ZFC3H1: variants seen among roughly 807,000 people sequenced by gnomAD.
The protein encoded by ZFC3H1 is zinc finger C3H1-type containing, also known as zinc finger C3H1 domain-containing protein.
ZFC3H1 carries 71 observed loss-of-function variants against 243.7 expected under a neutral mutation model. The observed-to-expected ratio is 0.29, with a 90% confidence interval of 0.24 to 0.36. The LOEUF (loss-of-function observed/expected upper bound fraction) is 0.36. Among genes scored for constraint, ZFC3H1 ranks in the 10% least tolerant of loss-of-function variants. The probability of loss-of-function intolerance (pLI) is 1.00; values close to 1 mark genes in which losing one functional copy is unlikely to be tolerated. For missense variants in ZFC3H1, 1,966 were observed against 2,317.1 expected (o/e 0.85, Z 3.11); for synonymous variants, 838 against 813.0 (o/e 1.03, Z -0.52).
At chr12:71,656,456 C>T (rs1881021030) in intron 2 of ZFC3H1, 2 of 609,314 alleles carry the variant, frequency 3.3e-6, no homozygotes, top group African/African-American at 1.9e-5. Context: ...ATTAGATGCT[C>T]ATCCCAATAA....
intron 20 of ZFC3H1, among the ~76,000 whole-genome samples, chr12:71,628,390 TCTTG>T (rs1404370477): frequency 6.6e-6 from 1 of 152,230 alleles, no homozygotes; most frequent in Admixed American, 6.5e-5. Flanking sequence ...AGCATACATC[TCTTG>T]GATACTTGCT....
At chr12:71,625,686 C>A (rs1026155224) in intron 22 of ZFC3H1, among the ~76,000 whole-genome samples, 2 of 152,078 alleles carry the variant, frequency 1.3e-5, no homozygotes, top group African/African-American at 4.8e-5. Context: ...AGAGACCCTG[C>A]CTCAAAAACT....
chr12:71,636,529 C>A lies in ZFC3H1; in HGVS notation c.2061G>T (p.Lys687Asn). The part of the protein sequence containing the change: ...TVSQPRIQNP[K>N]FHRGPRLPRT... ...GTGGAAGACGGGGTCCTCTGTGAAA[C>A]TTTGGATTCTGTATCCTAGGCTGAG... is the stretch of plus-strand genomic sequence containing the variant. Residue 687 changes from lysine to asparagine, a missense_variant, in exon 9 of 35, where the codon AAG becomes AAT. Lys to Asn is a moderately conservative substitution (Grantham distance 94). Coordinates refer to ENST00000378743, the MANE Select transcript of ZFC3H1 (RefSeq NM_144982.5). 6.2e-7 allele frequency: 1 copy of A among 1,608,346 alleles called. No individual in the cohort carries two copies.
intron 21 of ZFC3H1, among the ~76,000 whole-genome samples, chr12:71,626,746 T>C (rs531576282): frequency 1.3e-5 from 2 of 152,358 alleles, no homozygotes; most frequent in East Asian, 1.9e-4. Context: ...TTTATGTCCA[T>C]ATTCAGCAAT....
rs1880473035 is a variant in ZFC3H1 at position 71,636,788 on chromosome 12, AG to A, written c.1935+61del. 19 of 1,581,498 alleles carry A rather than the reference AG, an allele frequency of 1.2e-5. No homozygotes were observed. The South Asian group carries it at 2.1e-4, about 17-fold the overall frequency. On this transcript the variant is annotated intron_variant, in intron 8 of 34. Transcript: ENST00000378743. The stretch of plus-strand genomic sequence containing the variant: ...AATGATGCCCAAGTAACCAGAAAAA[AG>A]TAGGACTACCGTAAAGCTAAGCTCA...
At chr12:71,633,575 T>C in intron 12 of ZFC3H1, 137 bp from the exon 13 acceptor site, 2 of 622,222 alleles carry the variant, frequency 3.2e-6, no homozygotes, top group South Asian at 4.6e-5. Context: ...AAGGGATGAA[T>C]ATTTTTATAT....
rs963816733 is a variant in ZFC3H1 at position 71,663,822 on chromosome 12, C to G, written c.-212G>C. ...CAACCCAGTTCCCTTTCCTAGCGCC[C>G]CCTTGCTCCTCAGCGATCGGGGTTC... On this transcript the variant is annotated 5_prime_UTR_variant, in exon 1 of 35. Coordinates refer to ENST00000378743, the MANE Select transcript of ZFC3H1 (RefSeq NM_144982.5). 5 of 597,972 alleles carry G rather than the reference C, an allele frequency of 8.4e-6. No individual in the cohort carries two copies. The highest frequency in any genetic ancestry group is 1.5e-5 in the Non-Finnish European group (5 of 342,626). The allele number at this position is 597,972 out of a possible 1,614,324, so 37.0% of individuals were successfully genotyped here.
rs932814735 is a variant in ZFC3H1 at position 71,638,405 on chromosome 12, A to G, written c.1725+13T>C. On this transcript the variant is annotated intron_variant, in intron 7 of 34. Transcript: ENST00000378743. The stretch of plus-strand genomic sequence containing the variant: ...AGACAAAATAATTTTCTTAGAAATC[A>G]ATTCTGACTTACAGAAACCTGAGGT... The G allele has an allele frequency of 6.2e-7, 1 of 1,607,772 alleles. No homozygotes were observed.
rs1421484751 is a variant in ZFC3H1 at position 71,614,534 on chromosome 12, C to T, written c.5526+1G>A. On this transcript the variant is annotated splice_donor_variant, in intron 30 of 34. Transcript: ENST00000378743. LOFTEE classifies it high-confidence loss of function. ...TAAAGAAAAAAGTTTTGAGTTCTTA[C>T]CCTATTATGAAATTCATAGTTGGAC... 1 of 1,573,198 alleles carries T rather than the reference C, an allele frequency of 6.4e-7. No individual in the cohort carries two copies. Among genetic ancestry groups the T allele is most frequent in the African/African-American group, 1.4e-5 (1 of 72,586 alleles).
At chr12:71,633,496 A>G in intron 12 of ZFC3H1, 58 bp from the exon 13 acceptor site, 2 of 1,412,762 alleles carry the variant, frequency 1.4e-6, no homozygotes, top group African/African-American at 1.5e-5. Flanking sequence ...AGACTGTCAG[A>G]ATAAAAAAAT....
In ZFC3H1 at chr12:71,638,245, A is replaced by C. The variant is rs529471215; in HGVS notation, c.1725+173T>G. Among the ~76,000 whole-genome samples, 3 of 152,324 alleles carry C rather than the reference A, an allele frequency of 2.0e-5. No homozygotes were observed. The South Asian group carries it at 6.2e-4, about 32-fold the overall frequency. The stretch of plus-strand genomic sequence containing the variant: ...AATTAGCTATGAAAAAAATCTACCA[A>C]ATGGATAGCTTGCTGGTATAATCAA... On this transcript the variant is annotated intron_variant, in intron 7 of 34. Transcript: ENST00000378743.
Position 71,663,817 on chromosome 12 carries a change from G to A in ZFC3H1, c.-207C>T. ...CGTCGCAACCCAGTTCCCTTTCCTA[G>A]CGCCCCCTTGCTCCTCAGCGATCGG... On this transcript the variant is annotated 5_prime_UTR_variant, in exon 1 of 35. Coordinates refer to ENST00000378743, the MANE Select transcript of ZFC3H1 (RefSeq NM_144982.5). 2 of 601,370 alleles carry A rather than the reference G, an allele frequency of 3.3e-6. No homozygotes were observed. The highest frequency in any genetic ancestry group is 5.8e-6 in the Non-Finnish European group (2 of 344,912). The allele number at this position is 601,370 out of a possible 1,614,324, so 37.3% of individuals were successfully genotyped here.
chr12:71,645,585 T>G (rs1268892048), intron 3 of ZFC3H1, among the ~76,000 whole-genome samples: 1 of 152,114 alleles, frequency 6.6e-6, no homozygotes, highest in Admixed American at 6.5e-5. Flanking sequence ...TATTTTTTAA[T>G]TCTTTAAATT....
chr12:71,626,397 A>T lies in ZFC3H1; in HGVS notation c.4180T>A (p.Leu1394Met). Residue 1394 changes from leucine to methionine, a missense_variant, in exon 22 of 35, where the codon TTG (leucine) becomes ATG (methionine). Physicochemically the swap from Leu to Met is conservative, Grantham distance 15. This residue lies in a region of ZFC3H1 where 1,383 missense variants were observed against 1,723.7 expected (regional missense o/e 0.80). Coordinates refer to ENST00000378743, the MANE Select transcript of ZFC3H1 (RefSeq NM_144982.5). The stretch of plus-strand genomic sequence containing the variant: ...TCTGGATTGTCTTTGTTATTTTCCA[A>T]TGCTCGCGCCAGAACATTTAAAGCA... ...DSALNVLARALENNKDNPEIW... is the reference protein window; with the variant it reads ...DSALNVLARAMENNKDNPEIW... 2 of 1,614,030 alleles carry T rather than the reference A, an allele frequency of 1.2e-6. No individual in the cohort carries two copies. Among genetic ancestry groups the T allele is most frequent in the Non-Finnish European group, 1.7e-6 (2 of 1,179,990 alleles).
At chr12:71,656,242 G>A (rs933546037) in intron 2 of ZFC3H1, 5 of 240,762 alleles carry the variant, frequency 2.1e-5, no homozygotes, top group Admixed American at 1.6e-4. Context: ...AAAACCTGAA[G>A]AACTACACAC....
Position 71,611,844 on chromosome 12 carries a change from T to G in ZFC3H1, c.5671A>C (p.Lys1891Gln), listed in dbSNP as rs370428031. ...TATGTAAACATCTTGGCTTGAAGTT[T>G]CAGAATCTGAACATTGCTTTCTTCC... ...EWEESNVQIL[K>Q]LQAKMFTYNI... Residue 1891 changes from lysine to glutamine, a missense_variant, in exon 32 of 35, where the codon AAA becomes CAA. Lys to Gln is a moderately conservative substitution (Grantham distance 53, BLOSUM62 1). Coordinates refer to ENST00000378743, the MANE Select transcript of ZFC3H1 (RefSeq NM_144982.5). 4.4e-6 allele frequency: 7 copies of G among 1,608,374 alleles called. No homozygotes were observed. The highest frequency in any genetic ancestry group is 4.0e-5 in the African/African-American group (3 of 74,522).
At position 71,644,084 on chromosome 12, in the gene ZFC3H1, G is replaced by C. The variant is rs370158384; in HGVS notation, c.1503+11C>G. Reference sequence around the variant, plus strand: ...AGTAACGTTTTGATTTTATATTTTTGCATTTCTTACTTTACTTCTTGATCT... The same window carrying C: ...AGTAACGTTTTGATTTTATATTTTTCCATTTCTTACTTTACTTCTTGATCT... On this transcript the variant is annotated intron_variant, in intron 5 of 34. Coordinates refer to ENST00000378743, the MANE Select transcript of ZFC3H1 (RefSeq NM_144982.5). 1 of 1,598,138 alleles carries C rather than the reference G, an allele frequency of 6.3e-7. No individual in the cohort carries two copies. The highest frequency in any genetic ancestry group is 1.7e-5 in the Admixed American group (1 of 58,772).
intron 18 of ZFC3H1, among the ~76,000 whole-genome samples, 195 bp from the exon 19 acceptor site, chr12:71,629,905 A>G (rs1333386688): frequency 6.7e-6 from 1 of 150,178 alleles, no homozygotes; most frequent in Non-Finnish European, 1.5e-5. Flanking sequence ...CATATACCCC[A>G]TTTGGGATTA....
Position 71,613,385 on chromosome 12 carries a change from G to C in ZFC3H1, c.5577C>G (p.Thr1859=), listed in dbSNP as rs778170343. 3 of 1,609,428 alleles carry C rather than the reference G, an allele frequency of 1.9e-6. No homozygotes were observed. In the African/African-American group the frequency reaches 4.0e-5, roughly 22 times the overall value. Residue 1859 remains threonine, a synonymous_variant, in exon 31 of 35, where the codon ACC becomes ACG. Coordinates refer to ENST00000378743, the MANE Select transcript of ZFC3H1 (RefSeq NM_144982.5). Reference sequence around the variant, plus strand: ...GCATAACTGAACAAAACCGTTCCAAGGTTTTGGAATGCTGGGTCTTTGGAA... The same window carrying C: ...GCATAACTGAACAAAACCGTTCCAACGTTTTGGAATGCTGGGTCTTTGGAA... ...SCVPKTQHSK[T]LERFCSVMPA... is the part of the protein sequence containing the mutation.
Sources: gnomAD v4.1 joint callset for allele counts (sites outside exome capture counted in the v4.1 genomes callset) on GRCh38, gnomAD v4.1.1 for gene constraint, gnomAD v4.1.1 regional missense constraint, MANE v1.5 for transcripts, NCBI Gene and HGNC (gene_info 2026-07-23, HGNC 2026-07-21) for gene names.